ANKRD45: variants seen among roughly 807,000 people sequenced by gnomAD.
ANKRD45 encodes the protein ankyrin repeat domain-containing protein 45.
In ANKRD45, 21 loss-of-function variants were observed where a neutral mutation model predicts 28.1. The ratio of observed to expected loss-of-function variants is 0.75; its 90% CI spans 0.53 to 1.08. The LOEUF is 1.08. ANKRD45 is among the 50% of genes least tolerant of loss of function. ANKRD45 has a pLI of 0.00. For synonymous variants in ANKRD45, 86 were observed against 103.9 expected (o/e 0.83, Z 1.05); for missense variants, 261 against 308.7 (o/e 0.85, Z 1.16).
At chr1:173,684,992 G>T in the ANKRD45 span, among the ~76,000 whole-genome samples, 1 of 152,158 alleles carries the variant, frequency 6.6e-6, no homozygotes, top group Non-Finnish European at 1.5e-5. Context: ...GACTTTAATT[G>T]TGTCTAAATA....
chr1:173,641,639 C>A (rs953098466), intron 3 of ANKRD45, among the ~76,000 whole-genome samples: 1 of 152,166 alleles, frequency 6.6e-6, no homozygotes, highest in Admixed American at 6.5e-5. Context: ...GGTACTTGTG[C>A]TCTAATCCAA....
chr1:173,614,869 T>C (rs1667389974), intron 5 of ANKRD45, among the ~76,000 whole-genome samples: 1 of 152,148 alleles, frequency 6.6e-6, no homozygotes, highest in South Asian at 2.1e-4. Flanking sequence ...CAGGCTGGAC[T>C]GCAGGGGCAT....
chr1:173,612,351 G>GGAA (rs1272415547), intron 5 of ANKRD45, among the ~76,000 whole-genome samples: 5 of 148,854 alleles, frequency 3.4e-5, no homozygotes, highest in African/African-American at 1.2e-4. Flanking sequence ...AAGGAAGGAA[G>GGAA]GAAGGAAGGA....
rs1667074413 is a variant in ANKRD45, at chr1:173,610,051, A to G, written c.*94T>C. The G allele has an allele frequency of 1.6e-6, 2 of 1,286,026 alleles. No individual in the cohort carries two copies. Among genetic ancestry groups the G allele is most frequent in the Admixed American group, 1.9e-5 (1 of 53,878 alleles). 79.7% of individuals were successfully genotyped at this position (1,286,026 alleles called of 1,614,324 possible). The stretch of plus-strand genomic sequence containing the variant: ...TGTAATGTTGTACTTAAATACTTAA[A>G]GAAACCCACATCTGTTTTCTCGATT... On this transcript the variant is annotated 3_prime_UTR_variant, in exon 6 of 6. Transcript: ENST00000333279.
At chr1:173,620,384 A>C (rs1413404946) in intron 5 of ANKRD45, among the ~76,000 whole-genome samples, 1 of 152,246 alleles carries the variant, frequency 6.6e-6, no homozygotes, top group Non-Finnish European at 1.5e-5. Flanking sequence ...GGCAGAAATC[A>C]AGAAGTTCTT....
At chr1:173,612,352 GAA>G (rs1667203702) in intron 5 of ANKRD45, among the ~76,000 whole-genome samples, 1 of 150,052 alleles carries the variant, frequency 6.7e-6, no homozygotes, top group African/African-American at 2.5e-5. Flanking sequence ...AGGAAGGAAG[GAA>G]GGAAGGAAAA....
chr1:173,612,735 C>G (rs1009320259), intron 5 of ANKRD45: 1 of 158,128 alleles, frequency 6.3e-6, no homozygotes, highest in Non-Finnish European at 1.4e-5. Flanking sequence ...CAATTGCAGG[C>G]GCGCGCCGCC....
the ANKRD45 span, among the ~76,000 whole-genome samples, chr1:173,679,310 C>T: frequency 1.3e-5 from 2 of 152,166 alleles, no homozygotes; most frequent in African/African-American, 4.8e-5. Context: ...TACAAGGCTA[C>T]AGTAAGCAAA....
chr1:173,714,237 T>C, the ANKRD45 span, among the ~76,000 whole-genome samples: 1 of 152,192 alleles, frequency 6.6e-6, no homozygotes, highest in African/African-American at 2.4e-5. Flanking sequence ...TAATATACGG[T>C]AAAAATCAGG....
At position 173,608,938 on chromosome 1, in the gene ANKRD45, GGGAAGGGAGA is replaced by G. The variant is rs1232710764; in HGVS notation, c.*1197_*1206del. 1.8e-5 allele frequency among the ~76,000 whole-genome samples: 2 copies of G among 111,694 alleles called. No homozygotes were observed. Among genetic ancestry groups the G allele is most frequent in the East Asian group, 2.8e-4 (1 of 3,540 alleles). The allele number at this position is 111,694 out of a possible 152,430, so 73.3% of individuals were successfully genotyped here. A position where few individuals can be genotyped will look rare whatever the true frequency, so the allele number is the denominator to read the frequency against. ...GGGAGGGGAAGGGAGGGGAAGGGAG[GGGAAGGGAGA>G]GGAAGGGAGAGGAAGGAGAAGGGGA... is the stretch of plus-strand genomic sequence containing the variant. On this transcript the variant is annotated 3_prime_UTR_variant, in exon 6 of 6. Transcript: ENST00000333279.
intron 1 of ANKRD45, among the ~76,000 whole-genome samples, chr1:173,661,887 A>T (rs777703761): frequency 7.9e-5 from 12 of 152,224 alleles, no homozygotes; most frequent in Non-Finnish European, 1.2e-4. Context: ...GGAAATAAAC[A>T]TGGTGAAACA....
At chr1:173,660,643 C>T (rs1199548550) in intron 1 of ANKRD45, among the ~76,000 whole-genome samples, 1 of 152,194 alleles carries the variant, frequency 6.6e-6, no homozygotes, top group East Asian at 1.9e-4. Flanking sequence ...TATTCTCTCC[C>T]TGGCTCTTCT....
chr1:173,648,926 CA>C (rs1669053944), intron 2 of ANKRD45, among the ~76,000 whole-genome samples: 2 of 152,144 alleles, frequency 1.3e-5, no homozygotes, highest in African/African-American at 4.8e-5. Flanking sequence ...GTCACATAGT[CA>C]AGTTAGTGGA....
rs549301557 is a variant in ANKRD45, at chr1:173,661,585, C to T, written c.-15-2152G>A. 5.9e-5 allele frequency among the ~76,000 whole-genome samples: 9 copies of T among 152,156 alleles called. No homozygotes were observed. In the East Asian group the frequency reaches 1.5e-3, roughly 26 times the overall value. On this transcript the variant is annotated intron_variant, in intron 1 of 5. Transcript: ENST00000333279. ...TAAGTAGGTTTCAAGGAGATTGATC[C>T]GACAAGCCTGAGTGACATAGATTAG...
the ANKRD45 span, among the ~76,000 whole-genome samples, chr1:173,689,366 C>T: frequency 2.0e-5 from 3 of 152,130 alleles, no homozygotes; most frequent in African/African-American, 4.8e-5. Context: ...TCTGTCTAGA[C>T]GTACCTGGGT....
the ANKRD45 span, among the ~76,000 whole-genome samples, chr1:173,705,610 T>C: frequency 7.1e-6 from 1 of 140,900 alleles, no homozygotes; most frequent in Admixed American, 7.1e-5. Context: ...GAGGCAGCAG[T>C]GCGCTGTGTT....
the ANKRD45 span, among the ~76,000 whole-genome samples, chr1:173,676,471 G>A: frequency 7.9e-5 from 12 of 151,978 alleles, no homozygotes; most frequent in African/African-American, 2.7e-4. Context: ...TAGTCCCTGC[G>A]GTTAATTCCT....
At chr1:173,640,839 G>A (rs1668669200) in intron 3 of ANKRD45, among the ~76,000 whole-genome samples, 1 of 152,144 alleles carries the variant, frequency 6.6e-6, no homozygotes, top group African/African-American at 2.4e-5. Flanking sequence ...GAACTACTCA[G>A]GAGCAAGGTT....
chr1:173,647,018 C>A lies in ANKRD45; in HGVS notation c.329-5G>T, dbSNP rs1402865054. On this transcript the variant is annotated splice_polypyrimidine_tract_variant and splice_region_variant and intron_variant, in intron 2 of 5. Coordinates refer to ENST00000333279, the MANE Select transcript of ANKRD45 (RefSeq NM_198493.3). The stretch of plus-strand genomic sequence containing the variant: ...CACAATGTAAGAGTGTGTACCCTAA[C>A]AAATGGAATGAAGATGGTGAGATCA... 6.2e-7 allele frequency: 1 copy of A among 1,611,552 alleles called. No individual in the cohort carries two copies. The highest frequency in any genetic ancestry group is 1.3e-5 in the African/African-American group (1 of 74,948).
Sources: gnomAD v4.1 joint callset for allele counts (sites outside exome capture counted in the v4.1 genomes callset) on GRCh38, gnomAD v4.1.1 for gene constraint, MANE v1.5 for transcripts, NCBI Gene and HGNC (gene_info 2026-07-23, HGNC 2026-07-21) for gene names.